GOLGA8M: variants seen among roughly 807,000 people sequenced by gnomAD.
The protein encoded by GOLGA8M is golgin A8 family member M.
A neutral mutation model predicts 87.7 loss-of-function variants in GOLGA8M; 34 were observed. That is an observed-to-expected ratio of 0.39 (90% CI 0.29 to 0.52). The LOEUF (loss-of-function observed/expected upper bound fraction) is 0.52. Ranked by LOEUF, GOLGA8M falls within the 20% of genes least tolerant of loss-of-function variation. The pLI is 0.80. For synonymous variants in GOLGA8M, 138 were observed against 250.2 expected, an observed-to-expected ratio of 0.55 and a Z score of 4.23; for missense variants, 396 against 682.2, an observed-to-expected ratio of 0.58 and a Z score of 4.67.
chr15:28,704,016 T>A (rs1385491353), intron 13 of GOLGA8M, 99 bp from the exon 14 acceptor site: 9 of 1,561,570 alleles, frequency 5.8e-6, no homozygotes, highest in Non-Finnish European at 7.7e-6. Context: ...CTCCTGCAAC[T>A]TTTGGCAGGC....
rs917253718 is a variant in GOLGA8M at position 28,699,180 on chromosome 15, C to A, written c.*2774G>T. Among the ~76,000 whole-genome samples, 9 of 139,158 alleles carry A rather than the reference C, an allele frequency of 6.5e-5. No homozygotes were observed. The highest frequency in any genetic ancestry group is 1.9e-4 in the African/African-American group (7 of 36,310). The allele number at this position is 139,158 out of a possible 152,430, so 91.3% of individuals were successfully genotyped here. On this transcript the variant is annotated 3_prime_UTR_variant, in exon 19 of 19. Coordinates refer to ENST00000563027, the MANE Select transcript of GOLGA8M (RefSeq NM_001282468.3). ...TGGTTTTAGAGCTGATTTTTTTTTT[C>A]ATTTCTGGAAAATTATCAGGTTGAA...
In GOLGA8M at chr15:28,701,794, A is replaced by T. The variant is rs1269074926; in HGVS notation, c.*160T>A. On this transcript the variant is annotated 3_prime_UTR_variant, in exon 19 of 19. Transcript: ENST00000563027. ...GAGCCACAGACACCCACTCTCTTTT[A>T]ACTTTTTACAAATAAACTTAAAACT... Among the ~76,000 whole-genome samples the T allele has an allele frequency of 1.3e-5, 2 of 151,744 alleles. No homozygotes were observed. The highest frequency in any genetic ancestry group is 4.8e-5 in the African/African-American group (2 of 41,286).
In GOLGA8M at chr15:28,702,757, A is replaced by G. The variant is rs2079846866; in HGVS notation, c.1369-12T>C. ...TCCATAAAGCTGCTCTGGAGCCAAAATATTGCAGTCACATCTCGGCAGCGA... is the reference window on the plus strand; with the variant it reads ...TCCATAAAGCTGCTCTGGAGCCAAAGTATTGCAGTCACATCTCGGCAGCGA... On this transcript the variant is annotated splice_polypyrimidine_tract_variant and intron_variant, in intron 15 of 18. Coordinates refer to ENST00000563027, the MANE Select transcript of GOLGA8M (RefSeq NM_001282468.3). The G allele has an allele frequency of 6.3e-7, 1 of 1,598,678 alleles. No homozygotes were observed. Among genetic ancestry groups the G allele is most frequent in the African/African-American group, 1.4e-5 (1 of 73,742 alleles).
chr15:28,711,704 G>A lies in GOLGA8M; in HGVS notation c.48+572C>T, dbSNP rs1448475506. The A allele has an allele frequency of 5.1e-6, 5 of 984,792 alleles. No homozygotes were observed. The African/African-American group carries it at 8.7e-5, about 17-fold the overall frequency. 61.0% of individuals were successfully genotyped at this position (984,792 alleles called of 1,614,324 possible). The stretch of plus-strand genomic sequence containing the variant: ...CTTGCAGTAACGGCAGTTACTAGGT[G>A]GGCTGTGACATCACAACATTCCACT... On this transcript the variant is annotated intron_variant, in intron 1 of 18. Transcript: ENST00000563027.
rs1435620045 is a variant in GOLGA8M at position 28,702,665 on chromosome 15, G to T, written c.1449C>A (p.Tyr483Ter). Residue 483 changes from tyrosine (Y) to a stop codon, truncating the protein, a stop_gained, in exon 16 of 19, where the codon TAC (tyrosine) becomes TAA (stop). Coordinates refer to ENST00000563027, the MANE Select transcript of GOLGA8M (RefSeq NM_001282468.3). LOFTEE classifies it high-confidence loss of function. ...VKKQELRFIQ[Y>*]WQERCHQKIH... is the part of the protein sequence containing the mutation. ...CTCACTGATGGCATCTCTCTTGCCA[G>T]TATTGAATGAAGCGAAGTTCTTGTT... 1.9e-6 allele frequency: 3 copies of T among 1,608,162 alleles called. No homozygotes were observed. Among genetic ancestry groups the T allele is most frequent in the Admixed American group, 3.3e-5 (2 of 59,958 alleles).
intron 16 of GOLGA8M, 29 bp downstream of exon 16, chr15:28,702,616 C>T (rs758313750): frequency 3.7e-6 from 6 of 1,610,300 alleles, no homozygotes; most frequent in African/African-American, 1.3e-5. Flanking sequence ...CCTGCAGCTC[C>T]CCCTGCCGTG....
At position 28,702,619 on chromosome 15, in the gene GOLGA8M, C is replaced by A. The variant is rs781387699; in HGVS notation, c.1469+26G>T. 44 of 1,610,316 alleles carry A rather than the reference C, an allele frequency of 2.7e-5. 1 individual carries two copies. Among genetic ancestry groups the A allele is most frequent in the East Asian group, 4.5e-5 (2 of 44,832 alleles). Reference sequence around the variant, plus strand: ...CCCTCCGACGGTCCTGCAGCTCCCCCTGCCGTGCCCTGGCCTCCCACTCAC... The same window carrying A: ...CCCTCCGACGGTCCTGCAGCTCCCCATGCCGTGCCCTGGCCTCCCACTCAC... On this transcript the variant is annotated intron_variant, in intron 16 of 18. Transcript: ENST00000563027.
rs199534002 is a variant in GOLGA8M at position 28,712,354 on chromosome 15, C to T, written c.-31G>A. The T allele has an allele frequency of 0.027, 40,205 of 1,476,292 alleles. 698 individuals carry two copies. Among genetic ancestry groups the T allele is most frequent in the Admixed American group, 0.083 (4,188 of 50,496 alleles). The allele number at this position is 1,476,292 out of a possible 1,614,324, so 91.4% of individuals were successfully genotyped here. A position where few individuals can be genotyped will look rare whatever the true frequency, so the allele number is the denominator to read the frequency against. On this transcript the variant is annotated 5_prime_UTR_variant, in exon 1 of 19. Transcript: ENST00000563027. ...GGTGGGGAGGGAGGCAGGGTTGGGG[C>T]CACAGCAGCAAAATCGCAATGAGAA...
Position 28,699,999 on chromosome 15 carries a change from TTTTC to T in GOLGA8M, c.*1951_*1954del, listed in dbSNP as rs1191318455. ...TAGCCGCATTATTTGGTCTAAGATTTTTTCTTTATCATTCTGAAACTGGGTTTAT... is the reference window on the plus strand; with the variant it reads ...TAGCCGCATTATTTGGTCTAAGATTTTTTATCATTCTGAAACTGGGTTTAT... On this transcript the variant is annotated 3_prime_UTR_variant, in exon 19 of 19. Transcript: ENST00000563027. Among the ~76,000 whole-genome samples, 9 of 93,158 alleles carry T rather than the reference TTTTC, an allele frequency of 9.7e-5. No individual in the cohort carries two copies. The highest frequency in any genetic ancestry group is 3.8e-4 in the African/African-American group (8 of 21,044). The allele number at this position is 93,158 out of a possible 152,430, so 61.1% of individuals were successfully genotyped here.
In GOLGA8M at chr15:28,702,765, G is replaced by A. The variant is rs1342814427; in HGVS notation, c.1369-20C>T. 1 of 1,597,512 alleles carries A rather than the reference G, an allele frequency of 6.3e-7. No homozygotes were observed. The highest frequency in any genetic ancestry group is 8.5e-7 in the Non-Finnish European group (1 of 1,179,326). On this transcript the variant is annotated intron_variant, in intron 15 of 18. Transcript: ENST00000563027. ...GCTGCTCTGGAGCCAAAATATTGCA[G>A]TCACATCTCGGCAGCGACCTGCCCT... is the stretch of plus-strand genomic sequence containing the variant.
At chr15:28,707,930 T>G in intron 7 of GOLGA8M, 23 bp downstream of exon 7, 1 of 1,581,850 alleles carries the variant, frequency 6.3e-7, no homozygotes, top group Non-Finnish European at 8.5e-7. Flanking sequence ...GGTTGAAGGA[T>G]GACAGGGTGC....
At position 28,709,984 on chromosome 15, in the gene GOLGA8M, T is replaced by C. The variant is rs1183653448; in HGVS notation, c.169-396A>G. Among the ~76,000 whole-genome samples, 11 of 143,454 alleles carry C rather than the reference T, an allele frequency of 7.7e-5. No individual in the cohort carries two copies. In the South Asian group the frequency reaches 1.5e-3, roughly 20 times the overall value. 94.1% of individuals were successfully genotyped at this position (143,454 alleles called of 152,430 possible). A position where few individuals can be genotyped will look rare whatever the true frequency, so the allele number is the denominator to read the frequency against. ...AAGTGAAACAATATCACCTCTATTA[T>C]ACAGATGTGAAAAGAGAGGCCCGAT... On this transcript the variant is annotated intron_variant, in intron 2 of 18. Transcript: ENST00000563027.
At chr15:28,703,765 C>G in intron 14 of GOLGA8M, 77 bp downstream of exon 14, 1 of 1,244,604 alleles carries the variant, frequency 8.0e-7, no homozygotes, top group South Asian at 1.3e-5. Flanking sequence ...TCTCTTCCAA[C>G]TCCTCAATCC....
In GOLGA8M at chr15:28,699,419, G is replaced by A. The variant is rs1004574055; in HGVS notation, c.*2535C>T. Among the ~76,000 whole-genome samples the A allele has an allele frequency of 3.1e-4, 46 of 146,304 alleles. No individual in the cohort carries two copies. The highest frequency in any genetic ancestry group is 6.2e-4 in the Non-Finnish European group (42 of 67,870). On this transcript the variant is annotated 3_prime_UTR_variant, in exon 19 of 19. Transcript: ENST00000563027. ...CAAATACTCGGCTGAATGAGGTATC[G>A]CAAAAGACTGCATGCACTTTGGAGA...
chr15:28,707,758 T>G lies in GOLGA8M; in HGVS notation c.581A>C (p.Lys194Thr), dbSNP rs2080079039. Residue 194 changes from lysine (K) to threonine (T), a missense_variant, in exon 8 of 19, where the codon AAG (lysine) becomes ACG (threonine). Physicochemically the swap from Lys to Thr is moderately conservative, Grantham distance 78. This residue lies in a region of GOLGA8M where 80 missense variants were observed against 119.9 expected (regional missense o/e 0.67). Transcript: ENST00000563027. ...LSDVMATQKK[K>T]ANQLSSPSKA... is the part of the protein sequence containing the mutation. ...GGTGGTTGGACTCACCTGGTTTGCC[T>G]TCTTCTTCTGTGTGGCCATGACATC... 11 of 1,548,162 alleles carry G rather than the reference T, an allele frequency of 7.1e-6. No homozygotes were observed. In the East Asian group the frequency reaches 1.7e-4, roughly 24 times the overall value.
chr15:28,702,542 G>C lies in GOLGA8M; in HGVS notation c.1490C>G (p.Ser497Ter), dbSNP rs778855116. ...ATCTTTGGCACGGCCCCCTGGTTCT[G>C]ATAAAAGGTGATGGATTTTCCTGCG... ...RCHQKIHHLL[S>*]EPGGRAKDAA... Residue 497 changes from serine to a stop codon, truncating the protein, a stop_gained, in exon 17 of 19, where the codon TCA becomes TGA. Transcript: ENST00000563027. LOFTEE classifies it high-confidence loss of function. 1 of 1,604,406 alleles carries C rather than the reference G, an allele frequency of 6.2e-7. No individual in the cohort carries two copies. Among genetic ancestry groups the C allele is most frequent in the African/African-American group, 1.3e-5 (1 of 74,270 alleles).
In GOLGA8M at chr15:28,702,731, G is replaced by A. The variant is rs747593941; in HGVS notation, c.1383C>T (p.Asp461=). The A allele has an allele frequency of 5.6e-6, 9 of 1,601,078 alleles. No homozygotes were observed. The South Asian group carries it at 9.9e-5, about 18-fold the overall frequency. The change falls in exon 16 of 19, where the codon GAC becomes GAT. Residue 461 remains aspartate, a synonymous_variant. Transcript: ENST00000563027. ...TCAGGTCTGCCTTCTCCTCCAGGTGGTCCATAAAGCTGCTCTGGAGCCAAA... is the reference window on the plus strand; with the variant it reads ...TCAGGTCTGCCTTCTCCTCCAGGTGATCCATAAAGCTGCTCTGGAGCCAAA... ...ESREAMSSFM[D]HLEEKADLSE... is the part of the protein sequence containing the mutation.
At position 28,708,038 on chromosome 15, in the gene GOLGA8M, C is replaced by G; in HGVS notation, c.397-1G>C. ...GTATGTTCAATGTCTGGAGTTGAAC[C>G]TTTGGGAGAAAAGCCAAGCAAGTGC... On this transcript the variant is annotated splice_acceptor_variant, in intron 6 of 18. Coordinates refer to ENST00000563027, the MANE Select transcript of GOLGA8M (RefSeq NM_001282468.3). LOFTEE classifies it high-confidence loss of function. 2 of 1,597,382 alleles carry G rather than the reference C, an allele frequency of 1.3e-6. No homozygotes were observed. Among genetic ancestry groups the G allele is most frequent in the Non-Finnish European group, 1.7e-6 (2 of 1,177,834 alleles).
At position 28,702,633 on chromosome 15, in the gene GOLGA8M, C is replaced by A; in HGVS notation, c.1469+12G>T. 16 of 1,610,276 alleles carry A rather than the reference C, an allele frequency of 9.9e-6. No homozygotes were observed. The highest frequency in any genetic ancestry group is 1.3e-5 in the Non-Finnish European group (15 of 1,179,964). On this transcript the variant is annotated intron_variant, in intron 16 of 18. Coordinates refer to ENST00000563027, the MANE Select transcript of GOLGA8M (RefSeq NM_001282468.3). Reference sequence around the variant, plus strand: ...TGCAGCTCCCCCTGCCGTGCCCTGGCCTCCCACTCACTGATGGCATCTCTC... The same window carrying A: ...TGCAGCTCCCCCTGCCGTGCCCTGGACTCCCACTCACTGATGGCATCTCTC...
Sources: gnomAD v4.1 joint callset for allele counts (sites outside exome capture counted in the v4.1 genomes callset) on GRCh38, gnomAD v4.1.1 for gene constraint, gnomAD v4.1.1 regional missense constraint, MANE v1.5 for transcripts, NCBI Gene and HGNC (gene_info 2026-07-23, HGNC 2026-07-21) for gene names.